The following CSMD2 variants were observed in gnomAD, a reference collection of about 807,000 sequenced individuals.
CSMD2 encodes the protein CUB and sushi domain-containing protein 2.
Under a neutral mutation model 398.5 loss-of-function variants are expected in CSMD2, and 130 were observed. The observed-to-expected ratio is 0.33, with a 90% CI of 0.28 to 0.38. The LOEUF (loss-of-function observed/expected upper bound fraction) is 0.38, where lower values mean the gene tolerates loss of function less well. Among genes scored for constraint, CSMD2 ranks in the 10% least tolerant of loss-of-function variants. The pLI is 1.00. For missense variants in CSMD2, 3,829 were observed against 4,764.9 expected (o/e 0.80, Z 5.78); for synonymous variants, 1,828 against 1,908.5 (o/e 0.96, Z 1.10).
chr1:33,550,750 GAAT>G (rs1657368943), intron 55 of CSMD2, among the ~76,000 whole-genome samples: 1 of 152,186 alleles, frequency 6.6e-6, no homozygotes, highest in Non-Finnish European at 1.5e-5. Flanking sequence ...AAGGATTCCA[GAAT>G]GAAAGCCAAT....
intron 7 of CSMD2, among the ~76,000 whole-genome samples, chr1:33,822,996 G>A (rs1570124011): frequency 6.6e-6 from 1 of 152,276 alleles, no homozygotes; most frequent in Admixed American, 6.5e-5. Context: ...AACATATGGC[G>A]GTTCCCTTTC....
At chr1:33,779,114 T>G (rs963530352) in intron 12 of CSMD2, among the ~76,000 whole-genome samples, 1 of 152,176 alleles carries the variant, frequency 6.6e-6, no homozygotes, top group East Asian at 1.9e-4. Flanking sequence ...TACCATCCCC[T>G]GCTCATTGAT....
chr1:33,682,965 G>A (rs1441011132), intron 25 of CSMD2, among the ~76,000 whole-genome samples: 1 of 152,136 alleles, frequency 6.6e-6, no homozygotes, highest in Non-Finnish European at 1.5e-5. Context: ...CCCAGGGGAG[G>A]TGATGGCCTT....
At chr1:33,972,091 G>A (rs749301328) in intron 3 of CSMD2, among the ~76,000 whole-genome samples, 4 of 152,146 alleles carry the variant, frequency 2.6e-5, no homozygotes, top group African/African-American at 7.2e-5. Flanking sequence ...CAGGGACCGC[G>A]GGAGTAGGTG....
chr1:33,624,728 C>T lies in CSMD2; in HGVS notation c.5501-85G>A. 6.5e-7 allele frequency: 1 copy of T among 1,529,562 alleles called. No homozygotes were observed. The highest frequency in any genetic ancestry group is 1.9e-5 in the Admixed American group (1 of 52,750). 94.7% of individuals were successfully genotyped at this position (1,529,562 alleles called of 1,614,324 possible). On this transcript the variant is annotated intron_variant, in intron 34 of 70. Coordinates refer to ENST00000373381, the MANE Select transcript of CSMD2 (RefSeq NM_001281956.2). The surrounding 1 kb of genome is among the most constrained non-coding windows in gnomAD (Gnocchi z 4.7). ...CTGACTCCTCCCTCATGGCCCCCAG[C>T]CTCTGTTTGTCCTCCTCCCCATGGG...
At chr1:33,593,531 T>C (rs1469859382) in intron 44 of CSMD2, among the ~76,000 whole-genome samples, 1 of 152,186 alleles carries the variant, frequency 6.6e-6, no homozygotes, top group Non-Finnish European at 1.5e-5. Context: ...ACTCCCATTT[T>C]TTAAAACCAT....
At chr1:33,689,427 C>T (rs1478175343) in intron 25 of CSMD2, among the ~76,000 whole-genome samples, 1 of 152,120 alleles carries the variant, frequency 6.6e-6, no homozygotes, top group Non-Finnish European at 1.5e-5. Context: ...TCAGCATGCC[C>T]CCCATGACTT....
At position 33,559,271 on chromosome 1, in the gene CSMD2, A is replaced by G; in HGVS notation, c.8554+29T>C. 1 of 1,529,488 alleles carries G rather than the reference A, an allele frequency of 6.5e-7. No individual in the cohort carries two copies. Among genetic ancestry groups the G allele is most frequent in the Non-Finnish European group, 8.7e-7 (1 of 1,143,138 alleles). 94.7% of individuals were successfully genotyped at this position (1,529,488 alleles called of 1,614,324 possible). On this transcript the variant is annotated intron_variant, in intron 54 of 70. Transcript: ENST00000373381. This position sits in a 1 kb window ranked among gnomAD's most constrained non-coding sequence, Gnocchi z 4.0. ...ACCACATATAGCAGAGATGGTGGGGACTGGATTGGGAGAGAAAGGGTGACT... is the reference window on the plus strand; with the variant it reads ...ACCACATATAGCAGAGATGGTGGGGGCTGGATTGGGAGAGAAAGGGTGACT...
At chr1:34,161,812 G>A (rs1641353565) in intron 1 of CSMD2, among the ~76,000 whole-genome samples, 2 of 152,186 alleles carry the variant, frequency 1.3e-5, no homozygotes, top group South Asian at 2.1e-4. Context: ...ATAGGGCCAA[G>A]AAGGCTTCTT....
chr1:33,676,966 G>A (rs551696368), intron 25 of CSMD2, among the ~76,000 whole-genome samples: 5 of 152,186 alleles, frequency 3.3e-5, no homozygotes, highest in African/African-American at 1.2e-4. Flanking sequence ...AATTCAAGAT[G>A]GATTAAAGAC....
chr1:33,680,265 GTTC>G (rs1168424346), intron 25 of CSMD2, among the ~76,000 whole-genome samples: 1 of 135,724 alleles, frequency 7.4e-6, no homozygotes, highest in African/African-American at 2.8e-5. Context: ...ATATTTTGTT[GTTC>G]TTCTGTTTAG....
chr1:33,602,678 G>T, intron 42 of CSMD2, 132 bp from the exon 43 acceptor site: 1 of 748,556 alleles, frequency 1.3e-6, no homozygotes, highest in South Asian at 2.2e-5. Context: ...ATGCGGAAGG[G>T]GAGGCCAAGC....
chr1:34,163,896 A>G lies in CSMD2; in HGVS notation c.187+1015T>C, dbSNP rs1641592299. ...GCTGTGGGTAAAGCGGGAGGGCACC[A>G]GTCGCGGCCAGTAGCCTCCACAGGG... On this transcript the variant is annotated intron_variant, in intron 1 of 70. Transcript: ENST00000373381. This position sits in a 1 kb window ranked among gnomAD's most constrained non-coding sequence, Gnocchi z 5.4. Among the ~76,000 whole-genome samples, 1 of 152,168 alleles carries G rather than the reference A, an allele frequency of 6.6e-6. No individual in the cohort carries two copies. Among genetic ancestry groups the G allele is most frequent in the Non-Finnish European group, 1.5e-5 (1 of 68,020 alleles).
intron 13 of CSMD2, among the ~76,000 whole-genome samples, chr1:33,750,348 T>A (rs1648051113): frequency 6.6e-6 from 1 of 152,198 alleles, no homozygotes; most frequent in Non-Finnish European, 1.5e-5. Flanking sequence ...GAGCTTCCTG[T>A]ATCTCAACTC....
At chr1:33,696,913 T>C (rs1247125384) in intron 24 of CSMD2, among the ~76,000 whole-genome samples, 2 of 152,184 alleles carry the variant, frequency 1.3e-5, no homozygotes, top group African/African-American at 4.8e-5. Context: ...TTTTAAGCTA[T>C]AGCAGTCATT....
intron 3 of CSMD2, among the ~76,000 whole-genome samples, chr1:34,027,401 C>G (rs896422417): frequency 6.6e-6 from 1 of 152,166 alleles, no homozygotes; most frequent in Non-Finnish European, 1.5e-5. Context: ...GGGCTCAGGC[C>G]TGCTTGTGTA....
intron 3 of CSMD2, among the ~76,000 whole-genome samples, chr1:33,953,609 G>A (rs534188414): frequency 6.6e-6 from 1 of 152,120 alleles, no homozygotes; most frequent in African/African-American, 2.4e-5. Context: ...TTGGAGTCAG[G>A]GATCTTTTGA....
At chr1:33,778,361 C>T (rs753876930) in intron 12 of CSMD2, among the ~76,000 whole-genome samples, 6 of 152,012 alleles carry the variant, frequency 3.9e-5, no homozygotes, top group Non-Finnish European at 5.9e-5. Context: ...TGTAACTACC[C>T]ATCTGTTCAT....
chr1:33,616,805 AC>A, intron 39 of CSMD2, 100 bp downstream of exon 39: 1 of 886,516 alleles, frequency 1.1e-6, no homozygotes, highest in Non-Finnish European at 1.8e-6. Context: ...AGAATATCAA[AC>A]TTTCTTCTGA....
Sources: gnomAD v4.1 joint callset for allele counts (sites outside exome capture counted in the v4.1 genomes callset) on GRCh38, gnomAD v4.1.1 for gene constraint, Gnocchi (gnomAD v3.1) non-coding constraint, MANE v1.5 for transcripts, NCBI Gene and HGNC (gene_info 2026-07-23, HGNC 2026-07-21) for gene names.